The following AKAP9 variants were observed in gnomAD, a reference collection of about 807,000 sequenced individuals.
The protein encoded by AKAP9 is A-kinase anchor protein 9.
A neutral mutation model predicts 488.5 loss-of-function variants in AKAP9; 311 were observed. That is an observed-to-expected ratio of 0.64 (90% CI 0.58 to 0.70). The LOEUF (loss-of-function observed/expected upper bound fraction) is 0.70. Ranked by LOEUF, AKAP9 falls within the 30% of genes least tolerant of loss-of-function variation. The probability of loss-of-function intolerance (pLI) is 0.00; values close to 1 mark genes in which losing one functional copy is unlikely to be tolerated. For synonymous variants in AKAP9, 1,462 were observed against 1,483.5 expected, an observed-to-expected ratio of 0.99 and a Z score of 0.33; for missense variants, 4,215 against 4,374.5, an observed-to-expected ratio of 0.96 and a Z score of 1.03.
intron 24 of AKAP9, among the ~76,000 whole-genome samples, 192 bp from the exon 25 acceptor site, chr7:92,065,039 T>C (rs947124811): frequency 6.6e-5 from 10 of 152,018 alleles, no homozygotes; most frequent in Admixed American, 1.3e-4. Context: ...TATTAATAAT[T>C]GCTTGTTTAC....
rs1334687733 is a variant in AKAP9, at chr7:92,002,908, A to G, written c.2991A>G (p.Leu997=). 1 of 1,611,946 alleles carries G rather than the reference A, an allele frequency of 6.2e-7. No individual in the cohort carries two copies. The highest frequency in any genetic ancestry group is 2.2e-5 in the East Asian group (1 of 44,824). ...AAGTTTCATTGAGATGTAGAGAGCT[A>G]GAAATCATTATTAACCACAACAGGG... The part of the protein sequence containing the change: ...KEQVSLRCRE[L]EIIINHNRAE... Residue 997 remains leucine (L), a synonymous_variant, in exon 8 of 50, where the codon CTA becomes CTG. Transcript: ENST00000356239.
chr7:91,974,106 G>A, intron 2 of AKAP9, 138 bp downstream of exon 2: 2 of 1,005,982 alleles, frequency 2.0e-6, no homozygotes, highest in Admixed American at 2.1e-5. Context: ...TAACTAAACA[G>A]TCATAACTAA....
At position 91,980,314 on chromosome 7, in the gene AKAP9, C is replaced by A. The variant is rs1212830702; in HGVS notation, c.332C>A (p.Ala111Glu). ...CTGGAAAGTGAAATTTCAACCACAG[C>A]AGATGACTGCAGTTCAGAGGTAAGA... ...VELESEISTT[A>E]DDCSSEVNGC... The change falls in exon 3 of 50, where the codon GCA (alanine) becomes GAA (glutamate). Residue 111 changes from alanine (A) to glutamate (E), a missense_variant. By Grantham distance (107) the Ala-to-Glu change is moderately radical. Around this residue, in one of 5 missense-constraint regions of AKAP9, gnomAD observed 2,361 missense variants for 2,430.0 expected, o/e 0.97. Transcript: ENST00000356239. 6.3e-7 allele frequency: 1 copy of A among 1,580,622 alleles called. No homozygotes were observed. Among genetic ancestry groups the A allele is most frequent in the Admixed American group, 1.7e-5 (1 of 59,270 alleles).
intron 48 of AKAP9, among the ~76,000 whole-genome samples, chr7:92,108,200 C>A (rs1420947456): frequency 2.0e-5 from 3 of 152,150 alleles, no homozygotes; most frequent in Non-Finnish European, 4.4e-5. Context: ...ATACTCTGAT[C>A]ATTATGAAAA....
chr7:92,089,277 G>GA (rs1268434759), intron 37 of AKAP9, 108 bp from the exon 38 acceptor site: 24 of 1,297,612 alleles, frequency 1.8e-5, no homozygotes, highest in African/African-American at 3.0e-5. Context: ...TTTTAAAAAA[G>GA]AAAATTTTAG....
intron 10 of AKAP9, among the ~76,000 whole-genome samples, chr7:92,014,740 A>T (rs1172490535): frequency 6.6e-6 from 1 of 152,214 alleles, no homozygotes; most frequent in Non-Finnish European, 1.5e-5. Flanking sequence ...TTTCTTCACT[A>T]CCTTCAGAAC....
intron 15 of AKAP9, 78 bp downstream of exon 15, chr7:92,030,069 CTAAT>C: frequency 1.0e-6 from 1 of 1,003,142 alleles, no homozygotes; most frequent in Non-Finnish European, 1.5e-6. Flanking sequence ...GGTTTACTAT[CTAAT>C]AAATAGTTGC....
At chr7:92,041,005 T>TG in intron 18 of AKAP9, 107 bp downstream of exon 18, 1 of 181,200 alleles carries the variant, frequency 5.5e-6, no homozygotes, top group Non-Finnish European at 8.0e-6. Context: ...GTAGCCATAA[T>TG]TTTTTTTTTT....
chr7:92,110,078 A>G, intron 49 of AKAP9, 44 bp from the exon 50 acceptor site: 1 of 1,433,258 alleles, frequency 7.0e-7, no homozygotes, highest in Non-Finnish European at 9.8e-7. Flanking sequence ...TACAGGTAGC[A>G]ATGTAATTTG....
chr7:91,966,497 T>C (rs185263312), intron 1 of AKAP9, among the ~76,000 whole-genome samples: 1 of 152,380 alleles, frequency 6.6e-6, no homozygotes, highest in East Asian at 1.9e-4. Flanking sequence ...TTCCATGTGC[T>C]GAGGAAAGGA....
At chr7:91,997,810 A>G (rs1223566810) in intron 7 of AKAP9, among the ~76,000 whole-genome samples, 1 of 152,218 alleles carries the variant, frequency 6.6e-6, no homozygotes, top group East Asian at 1.9e-4. Flanking sequence ...TGTTATTTGA[A>G]TATAACAAGA....
intron 31 of AKAP9, among the ~76,000 whole-genome samples, chr7:92,082,236 A>G (rs1395459012): frequency 6.6e-6 from 1 of 152,328 alleles, no homozygotes; most frequent in South Asian, 2.1e-4. Flanking sequence ...TGCCTGGCCT[A>G]AAATAGTAAT....
intron 8 of AKAP9, among the ~76,000 whole-genome samples, chr7:92,008,744 T>C (rs1377339279): frequency 6.6e-6 from 1 of 151,398 alleles, no homozygotes; most frequent in Non-Finnish European, 1.5e-5. Flanking sequence ...CCCAGCACTT[T>C]GGGAGGCCGA....
intron 14 of AKAP9, among the ~76,000 whole-genome samples, chr7:92,029,049 G>A (rs189177550): frequency 3.3e-5 from 5 of 152,068 alleles, no homozygotes; most frequent in East Asian, 1.9e-4. Context: ...AACTAAGAAA[G>A]CAGCATAGTT....
chr7:92,068,507 T>G (rs188772311), intron 26 of AKAP9, among the ~76,000 whole-genome samples: 134 of 152,230 alleles, frequency 8.8e-4, no homozygotes, highest in African/African-American at 3.1e-3. Flanking sequence ...ACCTAGGCTG[T>G]CATCTCCTAT....
Position 92,002,336 on chromosome 7 carries a change from G to T in AKAP9, c.2419G>T (p.Asp807Tyr). 1 of 1,612,956 alleles carries T rather than the reference G, an allele frequency of 6.2e-7. No homozygotes were observed. The highest frequency in any genetic ancestry group is 8.5e-7 in the Non-Finnish European group (1 of 1,179,358). ...CCAAGAAGAAAGATTGATTTTCTTA[G>T]ACTCCATTAAGTCCAAATCCAAAGA... ...VSQEERLIFL[D>Y]SIKSKSKDSV... Residue 807 changes from aspartate to tyrosine, a missense_variant, in exon 8 of 50, where the codon GAC becomes TAC. Coordinates refer to ENST00000356239, the MANE Select transcript of AKAP9 (RefSeq NM_005751.5).
At chr7:91,969,494 T>C (rs971333812) in intron 1 of AKAP9, among the ~76,000 whole-genome samples, 1 of 152,218 alleles carries the variant, frequency 6.6e-6, no homozygotes, top group South Asian at 2.1e-4. Flanking sequence ...TGTCCAATAC[T>C]GGGATTGGGG....
At chr7:92,014,135 G>A in intron 9 of AKAP9, 114 bp from the exon 10 acceptor site, 1 of 749,866 alleles carries the variant, frequency 1.3e-6, no homozygotes, top group East Asian at 2.7e-5. Context: ...AAGAAATAAA[G>A]AATTTAAAAT....
At chr7:92,102,026 G>T (rs1015316444) in intron 45 of AKAP9, among the ~76,000 whole-genome samples, 4 of 151,768 alleles carry the variant, frequency 2.6e-5, no homozygotes, top group Admixed American at 6.6e-5. Flanking sequence ...CATGGTGGTG[G>T]GCGCCTGTAA....
Sources: allele counts gnomAD v4.1 joint callset (sites outside exome capture counted in the v4.1 genomes callset), GRCh38; gene constraint gnomAD v4.1.1; regional missense constraint gnomAD v4.1.1; transcripts MANE v1.5; gene names NCBI Gene and HGNC (gene_info 2026-07-23, HGNC 2026-07-21).